Variants in FSTL4 observed in about 807,000 individuals in gnomAD.
FSTL4 encodes the protein follistatin like 4, also known as follistatin-related protein 4.
Under a neutral mutation model 78.2 loss-of-function variants are expected in FSTL4, and 28 were observed. The observed-to-expected ratio is 0.36, with a 90% CI of 0.27 to 0.49. The LOEUF is 0.49. FSTL4 is among the 20% of genes least tolerant of loss of function. FSTL4 has a pLI of 0.98. For synonymous variants in FSTL4, 422 were observed against 440.5 expected (o/e 0.96, Z 0.53); for missense variants, 922 against 1,084.9 (o/e 0.85, Z 2.11).
intron 3 of FSTL4, among the ~76,000 whole-genome samples, chr5:133,561,645 C>T (rs1042207653): frequency 6.6e-6 from 1 of 152,160 alleles, no homozygotes; most frequent in Non-Finnish European, 1.5e-5. Flanking sequence ...GCCAGATCCA[C>T]CCTTAGATTC....
At chr5:133,223,113 A>G (rs1317859793) in intron 11 of FSTL4, among the ~76,000 whole-genome samples, 1 of 152,142 alleles carries the variant, frequency 6.6e-6, no homozygotes, top group Non-Finnish European at 1.5e-5. Context: ...AACCTCCCCT[A>G]AGGAAAACAC....
chr5:133,418,311 A>G (rs250853), intron 3 of FSTL4, among the ~76,000 whole-genome samples: 77,069 of 149,770 alleles, frequency 0.51, 20,751 homozygotes, highest in Non-Finnish European at 0.62. Flanking sequence ...TTATTAGGTG[A>G]TATTAGAAAT....
chr5:133,775,643 C>G, the FSTL4 span, among the ~76,000 whole-genome samples: 1 of 152,126 alleles, frequency 6.6e-6, no homozygotes, highest in African/African-American at 2.4e-5. Flanking sequence ...TGAGCAGGCC[C>G]AGAAGGTGGA....
chr5:133,302,567 T>G (rs1753567830), intron 6 of FSTL4, among the ~76,000 whole-genome samples: 1 of 152,130 alleles, frequency 6.6e-6, no homozygotes, highest in Admixed American at 6.5e-5. Context: ...GGTGCTAGGG[T>G]GGCTTGGCAC....
At chr5:133,721,422 C>T in the FSTL4 span, among the ~76,000 whole-genome samples, 1 of 152,070 alleles carries the variant, frequency 6.6e-6, no homozygotes, top group Non-Finnish European at 1.5e-5. Context: ...CCTTTTATTC[C>T]CACTTTAAGA....
intron 6 of FSTL4, among the ~76,000 whole-genome samples, chr5:133,279,873 G>A (rs1013640803): frequency 7.2e-5 from 11 of 152,334 alleles, no homozygotes; most frequent in South Asian, 6.2e-4. Context: ...GCTTGAATCC[G>A]CTTACTGGTG....
chr5:133,217,461 CTCT>C (rs1350416848), intron 12 of FSTL4, 83 bp from the exon 13 acceptor site: 1 of 1,296,456 alleles, frequency 7.7e-7, no homozygotes, highest in East Asian at 2.5e-5. Context: ...CCTGACCCTC[CTCT>C]GTGCCTTTCT....
At chr5:133,484,726 T>C (rs182408976) in intron 3 of FSTL4, among the ~76,000 whole-genome samples, 69 of 152,324 alleles carry the variant, frequency 4.5e-4, no homozygotes, top group Non-Finnish European at 2.6e-4. Context: ...GAGCCTAGTG[T>C]CAGCGGTCAG....
intron 7 of FSTL4, among the ~76,000 whole-genome samples, chr5:133,242,304 G>T (rs918480701): frequency 6.6e-6 from 1 of 152,172 alleles, no homozygotes; most frequent in Non-Finnish European, 1.5e-5. Context: ...CCTTGGAGGG[G>T]TAGGCTCCAA....
chr5:133,839,975 A>G, the FSTL4 span, among the ~76,000 whole-genome samples: 1 of 152,192 alleles, frequency 6.6e-6, no homozygotes, highest in African/African-American at 2.4e-5. Flanking sequence ...GCCTCGATCA[A>G]TGCCCCTTCA....
chr5:133,694,443 C>T, the FSTL4 span, among the ~76,000 whole-genome samples: 15 of 152,250 alleles, frequency 9.9e-5, no homozygotes, highest in Non-Finnish European at 1.9e-4. Flanking sequence ...ACTGAGCATG[C>T]GCTATGTGCC....
At chr5:133,310,974 T>A (rs1469641104) in intron 6 of FSTL4, among the ~76,000 whole-genome samples, 1 of 152,042 alleles carries the variant, frequency 6.6e-6, no homozygotes, top group Non-Finnish European at 1.5e-5. Flanking sequence ...GGAGAGAGGG[T>A]CTTGTCCAGT....
intron 7 of FSTL4, among the ~76,000 whole-genome samples, chr5:133,246,314 GT>G (rs1466939680): frequency 6.6e-6 from 1 of 152,214 alleles, no homozygotes; most frequent in Non-Finnish European, 1.5e-5. Context: ...CTCCTGGGCT[GT>G]TCTCCCCTAA....
At chr5:133,540,261 ACACG>A (rs55965645) in intron 3 of FSTL4, among the ~76,000 whole-genome samples, 61,320 of 151,396 alleles carry the variant, frequency 0.41, 12,773 homozygotes, top group African/African-American at 0.51. Flanking sequence ...ACACACACAC[ACACG>A]CACTCATTCA....
At chr5:133,262,937 C>T (rs1752566975) in intron 6 of FSTL4, among the ~76,000 whole-genome samples, 5 of 150,982 alleles carry the variant, frequency 3.3e-5, no homozygotes, top group Admixed American at 2.6e-4. Flanking sequence ...GTTTGGGTGT[C>T]GGGGGGTGGG....
In FSTL4 at chr5:133,338,229, G is replaced by T. The variant is rs933283791; in HGVS notation, c.410-21577C>A. 6.6e-6 allele frequency among the ~76,000 whole-genome samples: 1 copy of T among 152,126 alleles called. No homozygotes were observed. The highest frequency in any genetic ancestry group is 2.4e-5 in the African/African-American group (1 of 41,422). On this transcript the variant is annotated intron_variant, in intron 4 of 15. Transcript: ENST00000265342. The surrounding 1 kb of genome is among the most constrained non-coding windows in gnomAD (Gnocchi z 4.0). Reference sequence around the variant, plus strand: ...CTGGCCCTGATGACCCCCCGGGTGTGTGCCCCTATTCCTGTCTGCTCCATG... The same window carrying T: ...CTGGCCCTGATGACCCCCCGGGTGTTTGCCCCTATTCCTGTCTGCTCCATG...
At chr5:133,570,708 A>G (rs1440517176) in intron 2 of FSTL4, among the ~76,000 whole-genome samples, 3 of 152,174 alleles carry the variant, frequency 2.0e-5, no homozygotes, top group African/African-American at 7.2e-5. Context: ...GCTATCAACA[A>G]TTATAAAAGT....
intron 3 of FSTL4, among the ~76,000 whole-genome samples, chr5:133,477,539 A>C (rs990988282): frequency 6.6e-6 from 1 of 152,234 alleles, no homozygotes; most frequent in Non-Finnish European, 1.5e-5. Flanking sequence ...GAGGCTGGAG[A>C]GCACATGTGG....
At chr5:133,541,732 T>C (rs462501) in intron 3 of FSTL4, among the ~76,000 whole-genome samples, 64,566 of 151,654 alleles carry the variant, frequency 0.43, 14,277 homozygotes, top group African/African-American at 0.55. Context: ...CCCCATGATG[T>C]TTTGAGCGCT....
Sources: allele counts gnomAD v4.1 joint callset (sites outside exome capture counted in the v4.1 genomes callset), GRCh38; gene constraint gnomAD v4.1.1; non-coding constraint Gnocchi (gnomAD v3.1); transcripts MANE v1.5; gene names NCBI Gene and HGNC (gene_info 2026-07-23, HGNC 2026-07-21).